Variants in CACNA1D observed in about 807,000 individuals in gnomAD.
CACNA1D encodes the protein voltage-dependent L-type calcium channel subunit alpha-1D.
Under a neutral mutation model 257.1 loss-of-function variants are expected in CACNA1D, and 55 were observed. The ratio of observed to expected loss-of-function variants is 0.21; its 90% CI spans 0.17 to 0.27. The LOEUF is 0.27. Among genes scored for constraint, CACNA1D ranks in the 10% least tolerant of loss-of-function variants. CACNA1D has a pLI of 1.00. For missense variants in CACNA1D, 1,876 were observed against 2,784.0 expected, an observed-to-expected ratio of 0.67 and a Z score of 7.34; for synonymous variants, 980 against 1,014.9, an observed-to-expected ratio of 0.97 and a Z score of 0.65.
chr3:53,693,863 A>T (rs1458417784), intron 8 of CACNA1D, among the ~76,000 whole-genome samples: 1 of 152,222 alleles, frequency 6.6e-6, no homozygotes, highest in African/African-American at 2.4e-5. Flanking sequence ...TGTAAATATC[A>T]AAGTGTTTTG....
intron 39 of CACNA1D, among the ~76,000 whole-genome samples, chr3:53,783,420 C>T (rs1376724065): frequency 6.6e-6 from 1 of 152,180 alleles, no homozygotes. Flanking sequence ...TTTCTTGGTC[C>T]AATAACTGGA....
chr3:53,522,204 T>G (rs947331809), intron 3 of CACNA1D, among the ~76,000 whole-genome samples: 8 of 152,302 alleles, frequency 5.3e-5, no homozygotes, highest in Non-Finnish European at 8.8e-5. Context: ...TATGGGTTGT[T>G]TCCATGATTG....
intron 8 of CACNA1D, among the ~76,000 whole-genome samples, chr3:53,701,136 GTTATTATTATTA>G (rs200118929): frequency 1.3e-5 from 2 of 149,136 alleles, no homozygotes; most frequent in African/African-American, 4.9e-5. Flanking sequence ...TGTTGTTGTT[GTTATTATTATTA>G]TTATTATTTT....
At chr3:53,503,784 G>A (rs961270007) in intron 3 of CACNA1D, among the ~76,000 whole-genome samples, 3 of 151,584 alleles carry the variant, frequency 2.0e-5, no homozygotes, top group Admixed American at 2.0e-4. Context: ...TTTGTGGGGG[G>A]GGATTTGGCA....
At chr3:53,669,352 G>A (rs977065581) in intron 7 of CACNA1D, among the ~76,000 whole-genome samples, 10 of 152,234 alleles carry the variant, frequency 6.6e-5, no homozygotes, top group African/African-American at 2.4e-4. Flanking sequence ...TCCTTCAAGT[G>A]TACCAGGCAT....
chr3:53,606,098 C>T (rs1054664159), intron 3 of CACNA1D, among the ~76,000 whole-genome samples: 1 of 152,214 alleles, frequency 6.6e-6, no homozygotes, highest in Admixed American at 6.5e-5. Flanking sequence ...TCAACTGTGT[C>T]AACAGACTGG....
rs547144439 is a variant in CACNA1D at position 53,550,307 on chromosome 3, T to C, written c.483+48587T>C. Among the ~76,000 whole-genome samples the C allele has an allele frequency of 3.3e-5, 5 of 152,222 alleles. No homozygotes were observed. In the East Asian group the frequency reaches 9.7e-4, roughly 29 times the overall value. On this transcript the variant is annotated intron_variant, in intron 3 of 47. Transcript: ENST00000350061. ...GGAGCAGTGTGGTTCTCCTCTGTGG[T>C]GTGAAATTACCCTGGAACCACCAAG...
chr3:53,702,832 C>G (rs369636217), intron 9 of CACNA1D, 22 bp downstream of exon 9: 3 of 1,613,610 alleles, frequency 1.9e-6, no homozygotes, highest in Non-Finnish European at 2.5e-6. Context: ...CTTTCCTGCC[C>G]CTGGCTAGAC....
chr3:53,536,397 T>G (rs1452857486), intron 3 of CACNA1D, among the ~76,000 whole-genome samples: 3 of 152,208 alleles, frequency 2.0e-5, no homozygotes, highest in Non-Finnish European at 4.4e-5. Flanking sequence ...TCTAATGAAG[T>G]AATTGTAAAC....
chr3:53,796,867 T>C (rs1216605952), intron 40 of CACNA1D, among the ~76,000 whole-genome samples: 1 of 152,242 alleles, frequency 6.6e-6, no homozygotes, highest in Admixed American at 6.5e-5. Flanking sequence ...ATAATGTTTA[T>C]ATTTTATAGC....
chr3:53,561,217 A>G lies in CACNA1D; in HGVS notation c.483+59497A>G, dbSNP rs1003556. On this transcript the variant is annotated intron_variant, in intron 3 of 47. Transcript: ENST00000350061. ...TGCTCTTCACACTCTAGGATGGCAC[A>G]AATCTCCTTTTTTTCTGTTTTATCT... Among the ~76,000 whole-genome samples the G allele has an allele frequency of 8.6e-3, 1,315 of 152,258 alleles. 95 individuals carry two copies. The South Asian group carries it at 0.16, about 19-fold the overall frequency.
intron 4 of CACNA1D, among the ~76,000 whole-genome samples, chr3:53,655,303 A>T (rs755478113): frequency 1.2e-4 from 19 of 152,202 alleles, no homozygotes; most frequent in South Asian, 4.2e-4. Context: ...TTTATGGTAG[A>T]ATGGTTTATT....
chr3:53,747,781 C>CCATT (rs3082680), intron 26 of CACNA1D, among the ~76,000 whole-genome samples: 2,412 of 150,600 alleles, frequency 0.016, 36 homozygotes, highest in African/African-American at 0.038. Flanking sequence ...GTGTCCCAAA[C>CCATT]CATTCATTCA....
chr3:53,659,986 A>C (rs1576265018), intron 4 of CACNA1D, 147 bp from the exon 5 acceptor site: 1 of 713,816 alleles, frequency 1.4e-6, no homozygotes, highest in East Asian at 2.8e-5. Context: ...TTCCAATTCC[A>C]CAGCCCAGTT....
rs1034472818 is a variant in CACNA1D, at chr3:53,800,512, C to T, written c.5040+147C>T. The T allele has an allele frequency of 2.0e-5, 15 of 742,016 alleles. No homozygotes were observed. The highest frequency in any genetic ancestry group is 1.5e-4 in the African/African-American group (9 of 58,596). 46.0% of individuals were successfully genotyped at this position (742,016 alleles called of 1,614,324 possible). A position where few individuals can be genotyped will look rare whatever the true frequency, so the allele number is the denominator to read the frequency against. ...GGGGCTTTCAGACCACACCCTCCCC[C>T]TCTTACAGACCCTCCCCAGGCATCA... is the stretch of plus-strand genomic sequence containing the variant. On this transcript the variant is annotated intron_variant, in intron 41 of 47. Transcript: ENST00000350061. This position sits in a 1 kb window ranked among gnomAD's most constrained non-coding sequence, Gnocchi z 4.3.
chr3:53,578,104 T>TG (rs958637267), intron 3 of CACNA1D, among the ~76,000 whole-genome samples: 2 of 152,160 alleles, frequency 1.3e-5, no homozygotes, highest in African/African-American at 4.8e-5. Context: ...GCCCCTTTCC[T>TG]GGGGTGTCTG....
intron 29 of CACNA1D, among the ~76,000 whole-genome samples, chr3:53,760,586 A>G (rs1161075705): frequency 2.6e-5 from 4 of 152,140 alleles, no homozygotes; most frequent in African/African-American, 9.7e-5. Flanking sequence ...TCTGTGCAGT[A>G]TCTCCCCACC....
chr3:53,617,312 G>C (rs1389666191), intron 3 of CACNA1D, among the ~76,000 whole-genome samples: 1 of 152,058 alleles, frequency 6.6e-6, no homozygotes, highest in Non-Finnish European at 1.5e-5. Flanking sequence ...GAGGTAGTGA[G>C]GGGAGGCAGG....
Position 53,673,179 on chromosome 3 carries a change from G to T in CACNA1D, c.1220+53G>T. The stretch of plus-strand genomic sequence containing the variant: ...GCAGAGTCCTGAGGACAGTTGCCAA[G>T]ACCACACAAGCTTTGCTGGATGAGG... On this transcript the variant is annotated intron_variant, in intron 8 of 47. Coordinates refer to ENST00000350061, the MANE Select transcript of CACNA1D (RefSeq NM_001128840.3). The surrounding 1 kb of genome is among the most constrained non-coding windows in gnomAD (Gnocchi z 4.1). 1 of 1,251,688 alleles carries T rather than the reference G, an allele frequency of 8.0e-7. No individual in the cohort carries two copies. Among genetic ancestry groups the T allele is most frequent in the South Asian group, 1.3e-5 (1 of 77,312 alleles). The allele number at this position is 1,251,688 out of a possible 1,614,324, so 77.5% of individuals were successfully genotyped here.
Sources: gnomAD v4.1 joint callset for allele counts (sites outside exome capture counted in the v4.1 genomes callset) on GRCh38, gnomAD v4.1.1 for gene constraint, Gnocchi (gnomAD v3.1) non-coding constraint, MANE v1.5 for transcripts, NCBI Gene and HGNC (gene_info 2026-07-23, HGNC 2026-07-21) for gene names.